Variants in SMAD2 observed in about 807,000 individuals in gnomAD.
SMAD2 encodes SMAD family member 2, also known as MAD homolog 2.
Under a neutral mutation model 64.4 loss-of-function variants are expected in SMAD2, and 8 were observed. The observed-to-expected ratio is 0.12, with a 90% CI of 0.07 to 0.22. The LOEUF is 0.22. Ranked by LOEUF, SMAD2 falls within the 10% of genes least tolerant of loss-of-function variation. SMAD2 has a pLI of 1.00. For missense variants in SMAD2, 289 were observed against 561.2 expected (o/e 0.51, Z 4.90); for synonymous variants, 203 against 195.8 (o/e 1.04, Z -0.31).
At chr18:47,875,637 A>C (rs1327648104) in intron 2 of SMAD2, among the ~76,000 whole-genome samples, 1 of 152,172 alleles carries the variant, frequency 6.6e-6, no homozygotes, top group African/African-American at 2.4e-5. Flanking sequence ...AAATTTCACT[A>C]ATCTAAGATT....
intron 6 of SMAD2, among the ~76,000 whole-genome samples, chr18:47,856,626 A>G (rs1345286030): frequency 1.3e-5 from 2 of 152,078 alleles, no homozygotes; most frequent in East Asian, 3.9e-4. Context: ...CTTCTCCCCC[A>G]TGTCACCTAA....
chr18:47,928,714 G>A (rs2034867432), intron 1 of SMAD2, among the ~76,000 whole-genome samples: 1 of 152,218 alleles, frequency 6.6e-6, no homozygotes, highest in Non-Finnish European at 1.5e-5. Context: ...CCAAACTTTT[G>A]TTGAACACCT....
chr18:47,819,796 A>T lies in SMAD2; in HGVS notation c.*22031T>A, dbSNP rs1180495305. On this transcript the variant is annotated 3_prime_UTR_variant, in exon 11 of 11. Coordinates refer to ENST00000262160, the MANE Select transcript of SMAD2 (RefSeq NM_005901.6). ...GGGTGACAGAGCGAGACTCCGTCTC[A>T]AAAAAAAAAAAAAAAAAAAGAATTG... 4 of 6,008 alleles carry T rather than the reference A, an allele frequency of 6.7e-4. No individual in the cohort carries two copies. Among genetic ancestry groups the T allele is most frequent in the Admixed American group, 8.3e-3 (2 of 240 alleles). 0.4% of individuals were successfully genotyped at this position (6,008 alleles called of 1,614,324 possible).
chr18:47,892,480 G>A (rs978039981), intron 2 of SMAD2, among the ~76,000 whole-genome samples: 11 of 152,120 alleles, frequency 7.2e-5, no homozygotes, highest in Admixed American at 2.6e-4. Flanking sequence ...GATTACAGGC[G>A]TGAGCCACCA....
Position 47,834,191 on chromosome 18 carries a change from A to C in SMAD2, c.*7636T>G, listed in dbSNP as rs1163304352. 9.4e-6 allele frequency: 2 copies of C among 212,506 alleles called. No homozygotes were observed. The highest frequency in any genetic ancestry group is 1.9e-5 in the Non-Finnish European group (2 of 105,016). 13.2% of individuals were successfully genotyped at this position (212,506 alleles called of 1,614,324 possible). ...AGCAACTATGACAACATAGGGAAGT[A>C]AGGATAAATCACAAGAACACCTAAG... On this transcript the variant is annotated 3_prime_UTR_variant, in exon 11 of 11. Coordinates refer to ENST00000262160, the MANE Select transcript of SMAD2 (RefSeq NM_005901.6).
intron 10 of SMAD2, among the ~76,000 whole-genome samples, chr18:47,843,064 T>A (rs1313303374): frequency 6.6e-6 from 1 of 152,200 alleles, no homozygotes; most frequent in African/African-American, 2.4e-5. Flanking sequence ...CTGAGGCAGA[T>A]GGTATCAGTG....
chr18:47,877,984 C>T (rs1397362997), intron 2 of SMAD2, among the ~76,000 whole-genome samples: 2 of 152,126 alleles, frequency 1.3e-5, no homozygotes, highest in East Asian at 3.8e-4. Context: ...TGGCTTAAAC[C>T]TTCACTCTGT....
intron 2 of SMAD2, among the ~76,000 whole-genome samples, chr18:47,875,640 C>T (rs2032220294): frequency 6.6e-6 from 1 of 152,074 alleles, no homozygotes; most frequent in Non-Finnish European, 1.5e-5. Flanking sequence ...TTTCACTAAT[C>T]TAAGATTATC....
chr18:47,874,198 AT>A (rs1393008884), intron 2 of SMAD2, among the ~76,000 whole-genome samples: 16 of 152,226 alleles, frequency 1.1e-4, no homozygotes, highest in Admixed American at 8.5e-4. Context: ...ACAAGCTGAT[AT>A]AAAATGTATA....
chr18:47,829,492 TTTTAAAGAA>T lies in SMAD2; in HGVS notation c.*12326_*12334del, dbSNP rs1471106262. 6.6e-6 allele frequency: 1 copy of T among 152,058 alleles called. No homozygotes were observed. Among genetic ancestry groups the T allele is most frequent in the Non-Finnish European group, 1.5e-5 (1 of 68,000 alleles). 9.4% of individuals were successfully genotyped at this position (152,058 alleles called of 1,614,324 possible). A position where few individuals can be genotyped will look rare whatever the true frequency, so the allele number is the denominator to read the frequency against. On this transcript the variant is annotated 3_prime_UTR_variant, in exon 11 of 11. Coordinates refer to ENST00000262160, the MANE Select transcript of SMAD2 (RefSeq NM_005901.6). ...CACCCACCTTCAATCAAATGCGATC[TTTTAAAGAA>T]TATAAACAAGCCAGATTCTTAGGTA...
Position 47,829,594 on chromosome 18 carries a change from G to A in SMAD2, c.*12233C>T, listed in dbSNP as rs7359778. ...TAATCAATTAGGTATTCTAAAAGAA[G>A]GCAGTTTTCTAGGGGTTTATTTAAT... is the stretch of plus-strand genomic sequence containing the variant. On this transcript the variant is annotated 3_prime_UTR_variant, in exon 11 of 11. Transcript: ENST00000262160. 2.1e-5 allele frequency: 3 copies of A among 144,750 alleles called. No homozygotes were observed. Among genetic ancestry groups the A allele is most frequent in the South Asian group, 4.6e-4 (2 of 4,302 alleles). 9.0% of individuals were successfully genotyped at this position (144,750 alleles called of 1,614,324 possible).
In SMAD2 at chr18:47,830,858, G is replaced by A. The variant is rs1912961207; in HGVS notation, c.*10969C>T. On this transcript the variant is annotated 3_prime_UTR_variant, in exon 11 of 11. Transcript: ENST00000262160. Reference sequence around the variant, plus strand: ...AAGGCCTCTGATTTGCTACTTATTAGAAAAATCCACATATATACAAAACTC... The same window carrying A: ...AAGGCCTCTGATTTGCTACTTATTAAAAAAATCCACATATATACAAAACTC... 1 of 156,234 alleles carries A rather than the reference G, an allele frequency of 6.4e-6. No homozygotes were observed. The highest frequency in any genetic ancestry group is 1.4e-5 in the Non-Finnish European group (1 of 70,212). The allele number at this position is 156,234 out of a possible 1,614,324, so 9.7% of individuals were successfully genotyped here.
chr18:47,898,035 TTC>T (rs2033517152), intron 1 of SMAD2, among the ~76,000 whole-genome samples: 2 of 152,238 alleles, frequency 1.3e-5, no homozygotes, highest in Non-Finnish European at 2.9e-5. Flanking sequence ...TGCTTACATT[TTC>T]ATTAGTTTGT....
chr18:47,845,135 G>A (rs944254300), intron 10 of SMAD2: 4 of 648,842 alleles, frequency 6.2e-6, no homozygotes, highest in East Asian at 5.4e-5. Context: ...ATGCACGCCT[G>A]TGCATGTTTT....
At chr18:47,928,732 T>G (rs771148170) in intron 1 of SMAD2, among the ~76,000 whole-genome samples, 2 of 152,242 alleles carry the variant, frequency 1.3e-5, no homozygotes, top group African/African-American at 2.4e-5. Context: ...CCTACAATGC[T>G]TGTGGCCGCA....
At chr18:47,869,123 C>A in intron 4 of SMAD2, 120 bp downstream of exon 4, 1 of 705,404 alleles carries the variant, frequency 1.4e-6, no homozygotes, top group Non-Finnish European at 2.4e-6. Flanking sequence ...ATAATATGCA[C>A]AATTTAAGGT....
rs558253428 is a variant in SMAD2, at chr18:47,868,483, TA to T, written c.521-27del. 68 of 1,605,788 alleles carry T rather than the reference TA, an allele frequency of 4.2e-5. No individual in the cohort carries two copies. The East Asian group carries it at 1.4e-3, about 33-fold the overall frequency. On this transcript the variant is annotated intron_variant, in intron 4 of 10. Transcript: ENST00000262160. ...CTGAAAAAGTTCAAGAAATCCAAGT[TA>T]ATGGCAAAGAGCAAAGGGGAGTGGG...
chr18:47,865,950 T>C (rs1336797238), intron 5 of SMAD2, among the ~76,000 whole-genome samples: 3 of 152,058 alleles, frequency 2.0e-5, no homozygotes, highest in Non-Finnish European at 4.4e-5. Flanking sequence ...CTTTCATCAG[T>C]TTTACATTTA....
chr18:47,903,880 G>GA (rs1156670315), intron 1 of SMAD2, among the ~76,000 whole-genome samples: 1 of 143,400 alleles, frequency 7.0e-6, no homozygotes, highest in Non-Finnish European at 1.5e-5. Context: ...ACAGTGTGGG[G>GA]GGGGGGGGGA....
Sources: allele counts gnomAD v4.1 joint callset (sites outside exome capture counted in the v4.1 genomes callset), GRCh38; gene constraint gnomAD v4.1.1; transcripts MANE v1.5; gene names NCBI Gene and HGNC (gene_info 2026-07-23, HGNC 2026-07-21).